Variants in NKAIN4 observed in about 807,000 individuals in gnomAD.
NKAIN4 encodes sodium/potassium transporting ATPase interacting 4.
A neutral mutation model predicts 28.8 loss-of-function variants in NKAIN4; 28 were observed. The observed-to-expected ratio is 0.97, with a 90% confidence interval of 0.72 to 1.33. The LOEUF is 1.33. NKAIN4 is among the 40% of genes most tolerant of loss of function. The pLI is 0.00. For synonymous variants in NKAIN4, 122 were observed against 115.6 expected, an observed-to-expected ratio of 1.06 and a Z score of -0.36; for missense variants, 289 against 277.2, an observed-to-expected ratio of 1.04 and a Z score of -0.30.
intron 1 of NKAIN4, 115 bp from the exon 2 acceptor site, chr20:63,250,187 C>T: frequency 8.2e-7 from 1 of 1,220,266 alleles, no homozygotes; most frequent in East Asian, 2.6e-5. Context: ...CCACACCCGC[C>T]CACCACACCT....
At chr20:63,249,289 A>T (rs2066916129) in intron 2 of NKAIN4, 1 of 220,910 alleles carries the variant, frequency 4.5e-6, no homozygotes, top group African/African-American at 2.3e-5. Flanking sequence ...CACCCCAAAG[A>T]GCTGCCAGCT....
Position 63,250,047 on chromosome 20 carries a change from AAC to A in NKAIN4, c.78_79del (p.Phe27Ter). 1 of 1,592,556 alleles carries A rather than the reference AAC, an allele frequency of 6.3e-7. No individual in the cohort carries two copies. On this transcript the variant is annotated frameshift_variant, in exon 2 of 7. Transcript: ENST00000370316. LOFTEE classifies it high-confidence loss of function. Reference sequence around the variant, plus strand: ...CGCCCACTGGTAGCCCAGGAAGTCAAACACCTGCCTCTCCAGGGCGGCGACCT... The same window carrying A: ...CGCCCACTGGTAGCCCAGGAAGTCAAACCTGCCTCTCCAGGGCGGCGACCT...
In NKAIN4 at chr20:63,245,204, G is replaced by A. The variant is rs1349092728; in HGVS notation, c.472-1120C>T. Among the ~76,000 whole-genome samples, 1 of 152,110 alleles carries A rather than the reference G, an allele frequency of 6.6e-6. No homozygotes were observed. The highest frequency in any genetic ancestry group is 2.4e-5 in the African/African-American group (1 of 41,408). On this transcript the variant is annotated intron_variant, in intron 4 of 6. Transcript: ENST00000370316. This position sits in a 1 kb window ranked among gnomAD's most constrained non-coding sequence, Gnocchi z 4.7. ...GCCAGGAGACCTCTCTTACCACCAA[G>A]CAGGCAGACCTATCTCCTTGATATT...
chr20:63,246,647 C>T (rs2066863013), intron 4 of NKAIN4: 1 of 985,270 alleles, frequency 1.0e-6, no homozygotes, highest in East Asian at 1.1e-4. Context: ...TGCGTCGACA[C>T]CACCGTGCGC....
intron 1 of NKAIN4, among the ~76,000 whole-genome samples, chr20:63,250,709 G>A (rs1262905719): frequency 6.6e-6 from 1 of 152,160 alleles, no homozygotes; most frequent in Non-Finnish European, 1.5e-5. Flanking sequence ...GGGAGGGAAA[G>A]GTGCCTGAGG....
Position 63,241,818 on chromosome 20 carries a change from C to T in NKAIN4, c.618-312G>A, listed in dbSNP as rs1362178451. Reference sequence around the variant, plus strand: ...TCCCTGGCTCAGGGTCTGCGTGTGACCCCACCCCTTCCCAGGTCTTTATTC... The same window carrying T: ...TCCCTGGCTCAGGGTCTGCGTGTGATCCCACCCCTTCCCAGGTCTTTATTC... On this transcript the variant is annotated intron_variant, in intron 6 of 6. Transcript: ENST00000370316. 2.2e-5 allele frequency: 12 copies of T among 542,068 alleles called. No individual in the cohort carries two copies. In the East Asian group the frequency reaches 4.3e-4, roughly 19 times the overall value. 33.6% of individuals were successfully genotyped at this position (542,068 alleles called of 1,614,324 possible). A position where few individuals can be genotyped will look rare whatever the true frequency, so the allele number is the denominator to read the frequency against.
intron 1 of NKAIN4, among the ~76,000 whole-genome samples, chr20:63,250,443 C>T (rs1444427758): frequency 4.6e-5 from 7 of 152,202 alleles, no homozygotes; most frequent in Admixed American, 2.0e-4. Flanking sequence ...CTCTAAATCA[C>T]GAACTGTGGG....
At position 63,254,440 on chromosome 20, in the gene NKAIN4, C is replaced by T. The variant is rs1156439329; in HGVS notation, c.11G>A (p.Cys4Tyr). 1.4e-6 allele frequency: 2 copies of T among 1,414,160 alleles called. No homozygotes were observed. The highest frequency in any genetic ancestry group is 2.9e-5 in the South Asian group (2 of 68,166). The allele number at this position is 1,414,160 out of a possible 1,614,324, so 87.6% of individuals were successfully genotyped here. A position where few individuals can be genotyped will look rare whatever the true frequency, so the allele number is the denominator to read the frequency against. The change falls in exon 1 of 7, where the codon TGC becomes TAC. Residue 4 changes from cysteine to tyrosine, a missense_variant. By Grantham distance (194) the Cys-to-Tyr change is radical. Coordinates refer to ENST00000370316, the MANE Select transcript of NKAIN4 (RefSeq NM_152864.4). Reference protein sequence around the residue: MGSCSGRCALVVLC... With the variant: MGSYSGRCALVVLC... ...GACGACGAGCGCGCAGCGGCCGGAG[C>T]AGGAGCCCATGGTGCCCGCCTATAC...
intron 6 of NKAIN4, among the ~76,000 whole-genome samples, chr20:63,242,214 G>C (rs565169756): frequency 6.6e-6 from 1 of 152,022 alleles, no homozygotes; most frequent in African/African-American, 2.4e-5. Context: ...CCCCCATGCC[G>C]CCTGCTGGGA....
At chr20:63,251,029 C>G (rs2066949437) in intron 1 of NKAIN4, among the ~76,000 whole-genome samples, 1 of 151,724 alleles carries the variant, frequency 6.6e-6, no homozygotes, top group Admixed American at 6.6e-5. Context: ...CCAGGCTGTG[C>G]TGATATTTAT....
intron 1 of NKAIN4, 194 bp downstream of exon 1, chr20:63,254,203 C>T (rs1304247081): frequency 8.6e-6 from 4 of 462,766 alleles, no homozygotes; most frequent in African/African-American, 6.2e-5. Flanking sequence ...CGGGACCCGG[C>T]GCCGCGACTC....
chr20:63,246,916 G>A, intron 4 of NKAIN4: 2 of 985,754 alleles, frequency 2.0e-6, no homozygotes, highest in Non-Finnish European at 2.4e-6. Context: ...GCGGGGAAGT[G>A]GCCGTGTGGC....
At chr20:63,253,642 C>G (rs1406483228) in intron 1 of NKAIN4, among the ~76,000 whole-genome samples, 1 of 152,242 alleles carries the variant, frequency 6.6e-6, no homozygotes, top group African/African-American at 2.4e-5. Flanking sequence ...GTTTAGCCCC[C>G]TCCCCCGAGG....
chr20:63,254,218 C>T (rs2067012176), intron 1 of NKAIN4, 179 bp downstream of exon 1: 3 of 499,654 alleles, frequency 6.0e-6, no homozygotes, highest in African/African-American at 2.0e-5. Flanking sequence ...CGACTCCCCA[C>T]GCCCCGCAGG....
intron 4 of NKAIN4, 89 bp downstream of exon 4, chr20:63,247,489 G>T: frequency 6.5e-7 from 1 of 1,546,338 alleles, no homozygotes; most frequent in Non-Finnish European, 8.7e-7. Flanking sequence ...CAGGTCAGCT[G>T]GCCCCGCCTC....
At chr20:63,247,242 C>T in intron 4 of NKAIN4, 2 of 1,243,846 alleles carry the variant, frequency 1.6e-6, no homozygotes, top group Non-Finnish European at 2.0e-6. Flanking sequence ...AAGATGCATG[C>T]CCCTCCTCCT....
intron 4 of NKAIN4, chr20:63,247,366 G>A (rs960750880): frequency 5.3e-6 from 8 of 1,516,730 alleles, no homozygotes; most frequent in Non-Finnish European, 7.0e-6. Flanking sequence ...CCCGCCTGGG[G>A]GAGGTGGTTT....
upstream of NKAIN4, chr20:63,254,495 C>G: frequency 8.0e-7 from 1 of 1,255,784 alleles, no homozygotes; most frequent in South Asian, 2.4e-5. Context: ...CGCGCTCGGC[C>G]CCCGCCCCCG....
intron 4 of NKAIN4, chr20:63,247,205 G>A (rs888111089): frequency 2.8e-5 from 33 of 1,166,692 alleles, no homozygotes; most frequent in African/African-American, 6.4e-5. Flanking sequence ...GGGAACAGGC[G>A]GGACACGCAT....
Sources: gnomAD v4.1 joint callset for allele counts (sites outside exome capture counted in the v4.1 genomes callset) on GRCh38, gnomAD v4.1.1 for gene constraint, Gnocchi (gnomAD v3.1) non-coding constraint, MANE v1.5 for transcripts, NCBI Gene and HGNC (gene_info 2026-07-23, HGNC 2026-07-21) for gene names.